The following FANCB variants were observed in gnomAD, a reference collection of about 807,000 sequenced individuals.
FANCB encodes the protein FA complementation group B, also known as Fanconi anemia group B protein.
A neutral mutation model predicts 38.9 loss-of-function variants in FANCB; 5 were observed. The ratio of observed to expected loss-of-function variants is 0.13; its 90% confidence interval spans 0.07 to 0.27. The LOEUF (loss-of-function observed/expected upper bound fraction) is 0.27. FANCB is among the 10% of genes least tolerant of loss of function. FANCB has a pLI of 1.00. For missense variants in FANCB, 573 were observed against 602.7 expected (o/e 0.95, Z 0.52); for synonymous variants, 236 against 215.4 (o/e 1.10, Z -0.84).
the FANCB span, among the ~76,000 whole-genome samples, chrX:14,708,436 A>C: frequency 1.8e-5 from 2 of 111,250 alleles, no homozygotes; most frequent in African/African-American, 6.5e-5. Context: ...CAGGAGGTAT[A>C]TGTTGCACTA....
the FANCB span, among the ~76,000 whole-genome samples, chrX:14,814,876 A>T: frequency 2.7e-5 from 3 of 112,102 alleles, no homozygotes; most frequent in East Asian, 8.4e-4. Context: ...CACACATATG[A>T]TTATTGCGGC....
chrX:14,811,548 C>G, the FANCB span, among the ~76,000 whole-genome samples: 2 of 110,890 alleles, frequency 1.8e-5, no homozygotes, highest in East Asian at 2.9e-4. Flanking sequence ...TTTAAACCAA[C>G]AAAGATCAAA....
intron 1 of FANCB, among the ~76,000 whole-genome samples, chrX:14,869,796 G>A (rs774366105): frequency 4.5e-5 from 5 of 112,069 alleles, no homozygotes; most frequent in Admixed American, 9.4e-5. Flanking sequence ...TTGCTATGAA[G>A]CTTAGCATGG....
chrX:14,812,797 C>T, the FANCB span, among the ~76,000 whole-genome samples: 1 of 111,456 alleles, frequency 9.0e-6, no homozygotes, highest in East Asian at 2.8e-4. Context: ...AAGAGGGAAT[C>T]CTCCCTCACT....
At chrX:14,712,695 G>T in the FANCB span, among the ~76,000 whole-genome samples, 1 of 109,197 alleles carries the variant, frequency 9.2e-6, no homozygotes, top group South Asian at 4.0e-4. Context: ...GGGGGGTTAA[G>T]GTCTAAAAGG....
chrX:14,732,012 T>C, the FANCB span, among the ~76,000 whole-genome samples: 1 of 110,994 alleles, frequency 9.0e-6, no homozygotes, highest in Non-Finnish European at 1.9e-5. Flanking sequence ...TAGGCATTTC[T>C]CCTAATGCTA....
At chrX:14,838,295 T>G (rs2072512565) in intron 10 of FANCB, among the ~76,000 whole-genome samples, 1 of 112,053 alleles carries the variant, frequency 8.9e-6, no homozygotes, top group African/African-American at 3.3e-5. Flanking sequence ...ATAATTCTTT[T>G]TCCTACTATT....
downstream of FANCB, among the ~76,000 whole-genome samples, chrX:14,842,707 T>C (rs927375486): frequency 4.5e-5 from 5 of 112,172 alleles, no homozygotes; most frequent in Admixed American, 3.8e-4. Context: ...TATGTTACTT[T>C]AGTTAGAATT....
intron 5 of FANCB, 91 bp from the exon 6 acceptor site, chrX:14,853,258 T>A: frequency 1.2e-6 from 1 of 816,214 alleles, no homozygotes; most frequent in Non-Finnish European, 1.8e-6. Context: ...TCTCCAAATG[T>A]GCTTATCAAT....
At chrX:14,808,366 T>C in the FANCB span, among the ~76,000 whole-genome samples, 1 of 111,842 alleles carries the variant, frequency 8.9e-6, no homozygotes, top group Non-Finnish European at 1.9e-5. Flanking sequence ...TCATTCGTGA[T>C]GACCAAGTGG....
the FANCB span, among the ~76,000 whole-genome samples, chrX:14,746,047 A>C: frequency 3.6e-5 from 4 of 111,318 alleles, no homozygotes; most frequent in African/African-American, 1.3e-4. Flanking sequence ...ACTTGTCATT[A>C]ATATATTAGG....
chrX:14,796,689 T>TACACACAC, the FANCB span, among the ~76,000 whole-genome samples: 2 of 59,529 alleles, frequency 3.4e-5, no homozygotes, highest in African/African-American at 1.9e-4. Flanking sequence ...CACACGTCTA[T>TACACACAC]ATATACACAC....
At chrX:14,822,705 G>A in the FANCB span, among the ~76,000 whole-genome samples, 1 of 111,540 alleles carries the variant, frequency 9.0e-6, no homozygotes. Flanking sequence ...ATAATACAAA[G>A]GGTTCCGGTA....
At chrX:14,825,811 G>A in the FANCB span, among the ~76,000 whole-genome samples, 1 of 111,664 alleles carries the variant, frequency 9.0e-6, no homozygotes, top group African/African-American at 3.3e-5. Context: ...ACTCCATTAG[G>A]CAATAAGAGT....
chrX:14,751,169 T>C, the FANCB span, among the ~76,000 whole-genome samples: 1 of 112,175 alleles, frequency 8.9e-6, no homozygotes, highest in Non-Finnish European at 1.9e-5. Context: ...CAAATACATA[T>C]ATTTGCCAAA....
chrX:14,797,625 T>C, the FANCB span, among the ~76,000 whole-genome samples: 1 of 104,647 alleles, frequency 9.6e-6, no homozygotes, highest in African/African-American at 3.6e-5. Context: ...GAGGTTGCAG[T>C]GAGCCAAGAC....
At chrX:14,690,952 A>C in the FANCB span, 1 of 957,418 alleles carries the variant, frequency 1.0e-6, no homozygotes, top group Non-Finnish European at 1.5e-6. Flanking sequence ...AATAAGCAAG[A>C]AGCCAAGGTT....
chrX:14,839,315 C>A (rs1569081050), downstream of FANCB, among the ~76,000 whole-genome samples: 5 of 108,757 alleles, frequency 4.6e-5, no homozygotes, highest in African/African-American at 1.7e-4. Flanking sequence ...ACAACAACAA[C>A]AACAAAAAAA....
At chrX:14,691,271 C>CTGTGTGTGTG in the FANCB span, among the ~76,000 whole-genome samples, 11 of 85,276 alleles carry the variant, frequency 1.3e-4, no homozygotes, top group African/African-American at 3.1e-4. Flanking sequence ...TAAATATTGA[C>CTGTGTGTGTG]TGTGTGTGTG....
Sources: allele counts gnomAD v4.1 joint callset (sites outside exome capture counted in the v4.1 genomes callset), GRCh38; gene constraint gnomAD v4.1.1; transcripts MANE v1.5; gene names NCBI Gene and HGNC (gene_info 2026-07-23, HGNC 2026-07-21).